The following LSG1 variants were observed in gnomAD, a reference collection of about 807,000 sequenced individuals.
LSG1 encodes the protein large 60S subunit nuclear export GTPase 1.
In LSG1, 55 loss-of-function variants were observed where a neutral mutation model predicts 82.6. That is an observed-to-expected ratio of 0.67 (90% confidence interval 0.54 to 0.83). The LOEUF (loss-of-function observed/expected upper bound fraction) is 0.83. LSG1 is among the 40% of genes least tolerant of loss of function. The pLI, the probability that LSG1 is intolerant of heterozygous loss-of-function variation, is 0.00. For missense variants in LSG1, 809 were observed against 807.9 expected (o/e 1.00, Z -0.02); for synonymous variants, 272 against 282.5 (o/e 0.96, Z 0.37).
At chr3:194,666,844 C>T (rs1338881789) in intron 2 of LSG1, among the ~76,000 whole-genome samples, 1 of 152,086 alleles carries the variant, frequency 6.6e-6, no homozygotes, top group African/African-American at 2.4e-5. Flanking sequence ...ATTCAGTTTC[C>T]AAGTTTTCAT....
chr3:194,650,452 G>C (rs1448920987), intron 10 of LSG1, among the ~76,000 whole-genome samples: 3 of 152,144 alleles, frequency 2.0e-5, no homozygotes, highest in Non-Finnish European at 4.4e-5. Flanking sequence ...TGCTTTTTGA[G>C]GACTAAAAGG....
At chr3:194,665,925 G>A (rs542333023) in intron 4 of LSG1, among the ~76,000 whole-genome samples, 1 of 152,338 alleles carries the variant, frequency 6.6e-6, no homozygotes, top group South Asian at 2.1e-4. Flanking sequence ...ATGTGCAGGA[G>A]AGCAGCGATC....
At chr3:194,658,914 A>C (rs1216575813) in intron 7 of LSG1, 43 bp downstream of exon 7, 1 of 1,481,242 alleles carries the variant, frequency 6.8e-7, no homozygotes. Flanking sequence ...AAGAAATCAA[A>C]ATTCCCTCTT....
At position 194,660,099 on chromosome 3, in the gene LSG1, G is replaced by T. The variant is rs1344120886; in HGVS notation, c.556C>A (p.Pro186Thr). The T allele has an allele frequency of 9.9e-6, 16 of 1,613,910 alleles. No homozygotes were observed. Among genetic ancestry groups the T allele is most frequent in the Non-Finnish European group, 1.4e-5 (16 of 1,179,970 alleles). Residue 186 changes from proline to threonine, a missense_variant, in exon 6 of 14, where the codon CCA becomes ACA. Pro to Thr is a conservative substitution (Grantham distance 38). Coordinates refer to ENST00000265245, the MANE Select transcript of LSG1 (RefSeq NM_018385.3). ...IVVQIVDARN[P>T]LLFRCEDLEC... ...AAATCCTCACATCTAAACAGGAGTG[G>T]GTTTCGAGCATCTACTATCTGGACC...
intron 5 of LSG1, among the ~76,000 whole-genome samples, chr3:194,662,510 C>T (rs539182079): frequency 1.2e-3 from 187 of 152,200 alleles, no homozygotes; most frequent in African/African-American, 4.3e-3. Flanking sequence ...TGCCTGTAAC[C>T]CCAGCACTTT....
rs1438117418 is a variant in LSG1, at chr3:194,644,090, C to T, written c.1797+483G>A. On this transcript the variant is annotated intron_variant, in intron 13 of 13. Coordinates refer to ENST00000265245, the MANE Select transcript of LSG1 (RefSeq NM_018385.3). Reference sequence around the variant, plus strand: ...TAATAAATAAGGTTTCGGCCGGGCGCGGTGGCTCACGCCTGTAATCCCAGC... The same window carrying T: ...TAATAAATAAGGTTTCGGCCGGGCGTGGTGGCTCACGCCTGTAATCCCAGC... Among the ~76,000 whole-genome samples the T allele has an allele frequency of 2.6e-5, 4 of 151,946 alleles. No homozygotes were observed. In the South Asian group the frequency reaches 6.2e-4, roughly 24 times the overall value.
Position 194,642,128 on chromosome 3 carries a change from T to A in LSG1, c.1917A>T (p.Lys639Asn), listed in dbSNP as rs1718408365. Residue 639 changes from lysine (K) to asparagine (N), a missense_variant, in exon 14 of 14, where the codon AAA (lysine) becomes AAT (asparagine). Physicochemically the swap from Lys to Asn is moderately conservative, Grantham distance 94. Coordinates refer to ENST00000265245, the MANE Select transcript of LSG1 (RefSeq NM_018385.3). ...TTTCTTTTTTATTTCTGTTGCCATGTTTTTTCCAGGGCTTCCCCGCCCCGT... is the reference window on the plus strand; with the variant it reads ...TTTCTTTTTTATTTCTGTTGCCATGATTTTTCCAGGGCTTCCCCGCCCCGT... ...SENGAGKPWK[K>N]HGNRNKKEKS... is the part of the protein sequence containing the mutation. 1 of 1,613,810 alleles carries A rather than the reference T, an allele frequency of 6.2e-7. No homozygotes were observed. The highest frequency in any genetic ancestry group is 8.5e-7 in the Non-Finnish European group (1 of 1,180,000).
chr3:194,663,289 T>C (rs1249748476), intron 5 of LSG1, among the ~76,000 whole-genome samples: 1 of 152,216 alleles, frequency 6.6e-6, no homozygotes, highest in Non-Finnish European at 1.5e-5. Context: ...AGAATGACTG[T>C]GGGCCTTCCG....
chr3:194,664,058 C>T (rs1718984811), intron 5 of LSG1, among the ~76,000 whole-genome samples: 2 of 152,212 alleles, frequency 1.3e-5, no homozygotes, highest in South Asian at 4.1e-4. Flanking sequence ...CTGCAACCTC[C>T]ACCTCCTGGA....
At chr3:194,661,858 A>G in intron 5 of LSG1, among the ~76,000 whole-genome samples, 1 of 152,220 alleles carries the variant, frequency 6.6e-6, no homozygotes, top group Non-Finnish European at 1.5e-5. Flanking sequence ...GAGAGCAAAT[A>G]ATACTGTAAT....
chr3:194,642,619 G>A (rs550968296), intron 13 of LSG1, among the ~76,000 whole-genome samples: 4 of 151,832 alleles, frequency 2.6e-5, no homozygotes, highest in Non-Finnish European at 4.4e-5. Flanking sequence ...AGTACCCTAC[G>A]ATTTGCAAGT....
At chr3:194,644,543 C>A in intron 13 of LSG1, 30 bp downstream of exon 13, 1 of 1,567,024 alleles carries the variant, frequency 6.4e-7, no homozygotes, top group South Asian at 1.1e-5. Flanking sequence ...AGTGTTGGAT[C>A]AGAAGTTTAA....
chr3:194,641,233 C>T lies in LSG1; in HGVS notation c.*835G>A, dbSNP rs1429334854. 6.6e-6 allele frequency: 1 copy of T among 152,220 alleles called. No homozygotes were observed. The highest frequency in any genetic ancestry group is 1.9e-4 in the East Asian group (1 of 5,206). 9.4% of individuals were successfully genotyped at this position (152,220 alleles called of 1,614,324 possible). On this transcript the variant is annotated 3_prime_UTR_variant, in exon 14 of 14. Transcript: ENST00000265245. ...AACGTAAAGTGTGTAATTCAATGGT[C>T]TTAAGCATATTCAGAGTTGTGTGAC...
At chr3:194,660,465 C>T (rs527266854) in intron 5 of LSG1, among the ~76,000 whole-genome samples, 49 of 152,236 alleles carry the variant, frequency 3.2e-4, no homozygotes, top group African/African-American at 1.1e-3. Context: ...AAGACATCCA[C>T]CGTACTTCTA....
intron 11 of LSG1, among the ~76,000 whole-genome samples, chr3:194,648,045 C>T (rs544566798): frequency 9.9e-5 from 15 of 151,778 alleles, no homozygotes; most frequent in Non-Finnish European, 2.1e-4. Context: ...AGGCAAGTCA[C>T]CCACGCACGG....
intron 6 of LSG1, among the ~76,000 whole-genome samples, 164 bp from the exon 7 acceptor site, chr3:194,659,297 G>A (rs962559438): frequency 6.6e-6 from 1 of 152,122 alleles, no homozygotes; most frequent in Non-Finnish European, 1.5e-5. Context: ...CTTTCAGTAA[G>A]CTTTGAAAAG....
rs1212739875 is a variant in LSG1, at chr3:194,644,382, AAAAAT to A, written c.1797+186_1797+190del. 9.7e-4 allele frequency among the ~76,000 whole-genome samples: 66 copies of A among 67,998 alleles called. 2 individuals are homozygous for A. The highest frequency in any genetic ancestry group is 2.7e-3 in the African/African-American group (54 of 20,296). The allele number at this position is 67,998 out of a possible 152,430, so 44.6% of individuals were successfully genotyped here. A position where few individuals can be genotyped will look rare whatever the true frequency, so the allele number is the denominator to read the frequency against. On this transcript the variant is annotated intron_variant, in intron 13 of 13. Transcript: ENST00000265245. The stretch of plus-strand genomic sequence containing the variant: ...AGACTCCGTCTCAAAAAAAAAAAAT[AAAAAT>A]AAATAAATAAATAAATAAATAAATA...
chr3:194,650,951 T>C lies in LSG1; in HGVS notation c.1349A>G (p.Lys450Arg), dbSNP rs1718660921. The change falls in exon 10 of 14, where the codon AAG becomes AGG. Residue 450 changes from lysine to arginine, a missense_variant. Coordinates refer to ENST00000265245, the MANE Select transcript of LSG1 (RefSeq NM_018385.3). ...GLVMPSFVST[K>R]AEMTCSGILP... ...GATTCCGCTGCAAGTCATTTCTGCC[T>C]TGGTAGACACAAAAGATGGCATCAC... The C allele has an allele frequency of 6.2e-7, 1 of 1,614,156 alleles. No homozygotes were observed. The highest frequency in any genetic ancestry group is 2.2e-5 in the East Asian group (1 of 44,886).
At chr3:194,670,263 A>AC in intron 1 of LSG1, 128 bp from the exon 2 acceptor site, 1 of 789,578 alleles carries the variant, frequency 1.3e-6, no homozygotes, top group Non-Finnish European at 2.0e-6. Context: ...AATCAATACT[A>AC]CTTATAGTTA....
Sources: gnomAD v4.1 joint callset for allele counts (sites outside exome capture counted in the v4.1 genomes callset) on GRCh38, gnomAD v4.1.1 for gene constraint, MANE v1.5 for transcripts, NCBI Gene and HGNC (gene_info 2026-07-23, HGNC 2026-07-21) for gene names.